Variants in GRAMD1C observed in about 807,000 individuals in gnomAD.
The protein encoded by GRAMD1C is GRAM domain containing 1C, also known as protein Aster-C.
Under a neutral mutation model 97.8 loss-of-function variants are expected in GRAMD1C, and 89 were observed. The ratio of observed to expected loss-of-function variants is 0.91; its 90% confidence interval spans 0.77 to 1.09. The LOEUF (loss-of-function observed/expected upper bound fraction) is 1.09. GRAMD1C is among the 50% of genes least tolerant of loss of function. The pLI is 0.00. For synonymous variants in GRAMD1C, 256 were observed against 267.0 expected, an observed-to-expected ratio of 0.96 and a Z score of 0.40; for missense variants, 740 against 766.4, an observed-to-expected ratio of 0.97 and a Z score of 0.41.
At chr3:113,902,973 CT>C (rs34786953) in intron 7 of GRAMD1C, among the ~76,000 whole-genome samples, 22 of 135,760 alleles carry the variant, frequency 1.6e-4, no homozygotes, top group Non-Finnish European at 1.6e-4. Context: ...TTCTTTCTTT[CT>C]TTTTTTTTTG....
chr3:113,915,739 A>T lies in GRAMD1C; in HGVS notation c.991A>T (p.Ile331Phe). The T allele has an allele frequency of 1.2e-6, 2 of 1,609,918 alleles. No individual in the cohort carries two copies. Among genetic ancestry groups the T allele is most frequent in the Non-Finnish European group, 1.7e-6 (2 of 1,176,726 alleles). ...PEKDLHGRLF[I>F]NRIFHISADR... ...GAAAGATCTTCATGGAAGACTTTTT[A>T]TCAACCGTATTTTTCATATCAGTGC... Residue 331 changes from isoleucine (I) to phenylalanine (F), a missense_variant, in exon 10 of 18, where the codon ATC becomes TTC. Transcript: ENST00000358160.
intron 1 of GRAMD1C, among the ~76,000 whole-genome samples, chr3:113,829,114 G>A (rs571061593): frequency 6.2e-4 from 94 of 152,178 alleles, no homozygotes; most frequent in African/African-American, 2.0e-3. Context: ...GTGACTTAGC[G>A]TACTTGCCTG....
At chr3:113,905,947 T>A (rs13072808) in intron 8 of GRAMD1C, among the ~76,000 whole-genome samples, 19,491 of 152,200 alleles carry the variant, frequency 0.13, 1,564 homozygotes, top group South Asian at 0.21. Flanking sequence ...TCCACCTGCC[T>A]GAGGCTCCCA....
At chr3:113,885,333 G>C (rs746533569) in intron 6 of GRAMD1C, 3 of 1,590,946 alleles carry the variant, frequency 1.9e-6, no homozygotes, top group Non-Finnish European at 2.6e-6. Context: ...GACTGCGCAC[G>C]TTCGTGGCCT....
At chr3:113,843,234 C>T (rs1933447700) in intron 1 of GRAMD1C, among the ~76,000 whole-genome samples, 1 of 151,688 alleles carries the variant, frequency 6.6e-6, no homozygotes, top group African/African-American at 2.4e-5. Flanking sequence ...GCCACCATGC[C>T]AGGCAAATTT....
chr3:113,946,100 G>GT lies in GRAMD1C; in HGVS notation c.*628dup, dbSNP rs1207363497. 2.0e-5 allele frequency: 3 copies of GT among 152,502 alleles called. No homozygotes were observed. Among genetic ancestry groups the GT allele is most frequent in the African/African-American group, 7.2e-5 (3 of 41,446 alleles). 9.4% of individuals were successfully genotyped at this position (152,502 alleles called of 1,614,324 possible). On this transcript the variant is annotated 3_prime_UTR_variant, in exon 18 of 18. Coordinates refer to ENST00000358160, the MANE Select transcript of GRAMD1C (RefSeq NM_017577.5). The stretch of plus-strand genomic sequence containing the variant: ...CTGTATCTTTATGAAAGAAATAGTT[G>GT]TTTTTTCTTAAGGTAACTATCAGAG...
chr3:113,876,762 G>A (rs1935053808), intron 5 of GRAMD1C, among the ~76,000 whole-genome samples: 1 of 151,346 alleles, frequency 6.6e-6, no homozygotes, highest in Non-Finnish European at 1.5e-5. Flanking sequence ...TAACCACCTG[G>A]AAAATTGGTT....
chr3:113,850,678 C>T lies in GRAMD1C; in HGVS notation c.174+6029C>T, dbSNP rs528708104. On this transcript the variant is annotated intron_variant, in intron 2 of 17. Transcript: ENST00000358160. ...CGTCCTTCTTGGCCACCATGACTCC[C>T]TCCTTAAAAAGGAGTTCATAAATGG... is the stretch of plus-strand genomic sequence containing the variant. 146 of 1,597,612 alleles carry T rather than the reference C, an allele frequency of 9.1e-5. No homozygotes were observed. In the East Asian group the frequency reaches 2.9e-3, roughly 32 times the overall value.
At chr3:113,910,960 A>G (rs556618291) in intron 9 of GRAMD1C, among the ~76,000 whole-genome samples, 3 of 152,138 alleles carry the variant, frequency 2.0e-5, no homozygotes, top group African/African-American at 7.2e-5. Flanking sequence ...AATACTACAG[A>G]TTGGGTAGCT....
At chr3:113,918,040 A>G (rs1194092059) in intron 10 of GRAMD1C, among the ~76,000 whole-genome samples, 1 of 152,010 alleles carries the variant, frequency 6.6e-6, no homozygotes, top group Non-Finnish European at 1.5e-5. Context: ...TATCATTGTT[A>G]TGAATACTAG....
chr3:113,940,270 A>G lies in GRAMD1C; in HGVS notation c.1833A>G (p.Glu611=). 1 of 1,608,974 alleles carries G rather than the reference A, an allele frequency of 6.2e-7. No homozygotes were observed. The highest frequency in any genetic ancestry group is 8.5e-7 in the Non-Finnish European group (1 of 1,175,238). ...CCTCTGATATGGTGTCAAGAGCAGA[A>G]ACTATTCAGAAGAATAAAGATCAGG... The part of the protein sequence containing the change: ...NLASDMVSRA[E]TIQKNKDQAH... The change falls in exon 17 of 18, where the codon GAA becomes GAG. Residue 611 remains glutamate, a synonymous_variant. Transcript: ENST00000358160.
intron 6 of GRAMD1C, among the ~76,000 whole-genome samples, chr3:113,900,252 G>A (rs137939105): frequency 0.042 from 6,382 of 151,012 alleles, 186 homozygotes; most frequent in African/African-American, 0.071. Flanking sequence ...CCAGCCACTC[G>A]GGAGGCTGAG....
chr3:113,838,919 G>T lies in GRAMD1C; in HGVS notation c.10G>T (p.Ala4Ser), dbSNP rs781036685. MEG[A>S]PTVRQVMNEG... ...GGCGGAGGGAGCCGCGATGGAGGGC[G>T]CTCCGACTGTCCGTCAGGTAAGCCG... Residue 4 changes from alanine to serine, a missense_variant, in exon 1 of 18, where the codon GCT becomes TCT. Coordinates refer to ENST00000358160, the MANE Select transcript of GRAMD1C (RefSeq NM_017577.5). The T allele has an allele frequency of 1.2e-5, 14 of 1,203,288 alleles. No individual in the cohort carries two copies. In the Middle Eastern group the frequency reaches 1.9e-3, roughly 162 times the overall value. 74.5% of individuals were successfully genotyped at this position (1,203,288 alleles called of 1,614,324 possible).
intron 7 of GRAMD1C, among the ~76,000 whole-genome samples, chr3:113,903,157 T>C (rs1205503030): frequency 6.7e-6 from 1 of 148,526 alleles, no homozygotes; most frequent in Non-Finnish European, 1.5e-5. Flanking sequence ...TTTTTTTTAG[T>C]AGAGACGGCA....
At chr3:113,847,613 C>T (rs1933670570) in intron 2 of GRAMD1C, among the ~76,000 whole-genome samples, 1 of 152,196 alleles carries the variant, frequency 6.6e-6, no homozygotes, top group African/African-American at 2.4e-5. Flanking sequence ...TTGTTTTCTT[C>T]ATTCTCCCCC....
In GRAMD1C at chr3:113,936,410, A is replaced by G; in HGVS notation, c.1601A>G (p.Asp534Gly). 1 of 1,612,602 alleles carries G rather than the reference A, an allele frequency of 6.2e-7. No homozygotes were observed. The highest frequency in any genetic ancestry group is 8.5e-7 in the Non-Finnish European group (1 of 1,179,274). The change falls in exon 14 of 18, where the codon GAT (aspartate) becomes GGT (glycine). Residue 534 changes from aspartate (D) to glycine (G), a missense_variant. Asp to Gly is a moderately conservative substitution (Grantham distance 94). Coordinates refer to ENST00000358160, the MANE Select transcript of GRAMD1C (RefSeq NM_017577.5). ...PKLSSQHSSG[D>G]VGLGAKGDIT... ...CTTTCCTCTCAGCATTCCTCTGGAG[A>G]TGTGGGCTTAGGTGCCAAAGGGGAT... is the stretch of plus-strand genomic sequence containing the variant.
chr3:113,885,668 G>C, intron 6 of GRAMD1C: 1 of 1,515,870 alleles, frequency 6.6e-7, no homozygotes, highest in Non-Finnish European at 9.2e-7. Flanking sequence ...TGAGCCAGTG[G>C]TACGAGCTGG....
chr3:113,940,222 A>T lies in GRAMD1C; in HGVS notation c.1803-18A>T, dbSNP rs1359697923. The T allele has an allele frequency of 7.4e-7, 1 of 1,350,988 alleles. No individual in the cohort carries two copies. The highest frequency in any genetic ancestry group is 1.1e-6 in the Non-Finnish European group (1 of 943,258). The allele number at this position is 1,350,988 out of a possible 1,614,324, so 83.7% of individuals were successfully genotyped here. A position where few individuals can be genotyped will look rare whatever the true frequency, so the allele number is the denominator to read the frequency against. On this transcript the variant is annotated intron_variant, in intron 16 of 17. Transcript: ENST00000358160. ...AGAAGCTATTCTCCAGATTTTGAAG[A>T]TGGCATTTTTCTTTCAGTTTAGCCT...
chr3:113,910,340 G>A (rs1281969085), intron 9 of GRAMD1C, among the ~76,000 whole-genome samples: 2 of 152,136 alleles, frequency 1.3e-5, no homozygotes, highest in Non-Finnish European at 1.5e-5. Flanking sequence ...CCTAGATCAC[G>A]CCACTGCACT....
Sources: allele counts gnomAD v4.1 joint callset (sites outside exome capture counted in the v4.1 genomes callset), GRCh38; gene constraint gnomAD v4.1.1; transcripts MANE v1.5; gene names NCBI Gene and HGNC (gene_info 2026-07-23, HGNC 2026-07-21).